AQR: variants seen among roughly 807,000 people sequenced by gnomAD.
The protein encoded by AQR is RNA helicase aquarius.
In AQR, 61 loss-of-function variants were observed where a neutral mutation model predicts 180.5. The ratio of observed to expected loss-of-function variants is 0.34; its 90% CI spans 0.28 to 0.42. AQR has a LOEUF of 0.42. Ranked by LOEUF, AQR falls within the 10% of genes least tolerant of loss-of-function variation. AQR has a pLI of 1.00. For synonymous variants in AQR, 551 were observed against 588.8 expected, an observed-to-expected ratio of 0.94 and a Z score of 0.93; for missense variants, 1,281 against 1,798.3, an observed-to-expected ratio of 0.71 and a Z score of 5.20.
chr15:34,858,320 CAAAAAAA>C (rs57627687), intron 34 of AQR, among the ~76,000 whole-genome samples: 1,798 of 86,142 alleles, frequency 0.021, 22 homozygotes, highest in East Asian at 0.087. Context: ...ACGACAGCAG[CAAAAAAA>C]AAAAAAAAAA....
chr15:34,958,094 G>C (rs1894352494), intron 3 of AQR, among the ~76,000 whole-genome samples: 1 of 152,168 alleles, frequency 6.6e-6, no homozygotes, highest in Non-Finnish European at 1.5e-5. Context: ...TGTAATCCCA[G>C]CTACTAGGGA....
rs902846843 is a variant in AQR, at chr15:34,933,692, AAAC to A, written c.783+876_783+878del. Among the ~76,000 whole-genome samples the A allele has an allele frequency of 8.5e-5, 13 of 152,328 alleles. 3 individuals are homozygous for A. Among genetic ancestry groups the A allele is most frequent in the Admixed American group, 2.6e-4 (4 of 15,294 alleles). On this transcript the variant is annotated intron_variant, in intron 10 of 34. Coordinates refer to ENST00000156471, the MANE Select transcript of AQR (RefSeq NM_014691.3). ...CTATACTATGTAATGTTTTTTCTAC[AAAC>A]AACAGCCCATGATAGATGAGTCAGT...
Position 34,856,960 on chromosome 15 carries a change from A to T in AQR, c.4290T>A (p.Thr1430=). ...SPTDTSCRQE[T]PAFQTDTTPS... ...GGGTGGTGTCAGTTTGAAAGGCTGGAGTTTCTTGACGGCAGCTGGTGTCTG... is the reference window on the plus strand; with the variant it reads ...GGGTGGTGTCAGTTTGAAAGGCTGGTGTTTCTTGACGGCAGCTGGTGTCTG... Residue 1430 remains threonine (T), a synonymous_variant, in exon 35 of 35, where the codon ACT becomes ACA. Transcript: ENST00000156471. The T allele has an allele frequency of 6.2e-6, 10 of 1,614,046 alleles. No individual in the cohort carries two copies. Among genetic ancestry groups the T allele is most frequent in the Non-Finnish European group, 8.5e-6 (10 of 1,179,994 alleles).
intron 16 of AQR, among the ~76,000 whole-genome samples, chr15:34,914,278 T>C (rs1339982844): frequency 6.6e-6 from 1 of 152,216 alleles, no homozygotes; most frequent in East Asian, 1.9e-4. Flanking sequence ...TAAAGAGCAT[T>C]TGCCTCAAGT....
intron 17 of AQR, among the ~76,000 whole-genome samples, chr15:34,908,375 G>A (rs1041545500): frequency 2.0e-5 from 3 of 152,032 alleles, no homozygotes; most frequent in Non-Finnish European, 2.9e-5. Flanking sequence ...GGTGGAGGTT[G>A]CAGTGAGCCG....
intron 3 of AQR, among the ~76,000 whole-genome samples, chr15:34,960,572 A>C (rs368118923): frequency 5.4e-4 from 82 of 152,202 alleles, no homozygotes; most frequent in African/African-American, 1.9e-3. Context: ...ATGGGATTTG[A>C]TACCTCTAAT....
intron 4 of AQR, among the ~76,000 whole-genome samples, chr15:34,949,069 A>G (rs545333734): frequency 1.3e-5 from 2 of 151,820 alleles, no homozygotes; most frequent in South Asian, 4.2e-4. Flanking sequence ...CTTGGCTCAC[A>G]GCAACCTCCA....
intron 13 of AQR, among the ~76,000 whole-genome samples, chr15:34,926,179 T>TAAATAAAA (rs892924013): frequency 6.6e-6 from 1 of 151,812 alleles, no homozygotes; most frequent in African/African-American, 2.4e-5. Flanking sequence ...AAAATAAAAA[T>TAAATAAAA]AAATAAAAAA....
intron 9 of AQR, among the ~76,000 whole-genome samples, chr15:34,937,897 A>C (rs866981280): frequency 1.3e-5 from 2 of 150,534 alleles, no homozygotes; most frequent in South Asian, 2.1e-4. Flanking sequence ...AAAAAATAAT[A>C]ATAATTAAAC....
chr15:34,963,750 G>A (rs879602564), intron 2 of AQR, among the ~76,000 whole-genome samples: 19 of 150,102 alleles, frequency 1.3e-4, no homozygotes, highest in South Asian at 6.3e-4. Context: ...TGCACGCTCC[G>A]CCTCCCAGGT....
intron 22 of AQR, among the ~76,000 whole-genome samples, chr15:34,894,056 A>T (rs1259049250): frequency 6.6e-6 from 1 of 152,180 alleles, no homozygotes; most frequent in Non-Finnish European, 1.5e-5. Context: ...GACAGAAAGG[A>T]AAAAGAGTAT....
At chr15:34,904,293 T>G in intron 19 of AQR, 43 bp downstream of exon 19, 1 of 1,395,006 alleles carries the variant, frequency 7.2e-7, no homozygotes, top group South Asian at 1.5e-5. Flanking sequence ...AAAAGTTACT[T>G]AAATTATGAC....
chr15:34,967,219 C>A (rs2050314295), intron 1 of AQR, among the ~76,000 whole-genome samples: 1 of 152,110 alleles, frequency 6.6e-6, no homozygotes. Context: ...TACATTCACA[C>A]CTTAAGGTGT....
rs1892644932 is a variant in AQR, at chr15:34,859,883, T to A, written c.4143+159A>T. 2.0e-5 allele frequency among the ~76,000 whole-genome samples: 3 copies of A among 152,208 alleles called. No individual in the cohort carries two copies. In the South Asian group the frequency reaches 6.2e-4, roughly 31 times the overall value. On this transcript the variant is annotated intron_variant, in intron 34 of 34. Coordinates refer to ENST00000156471, the MANE Select transcript of AQR (RefSeq NM_014691.3). ...TATTGTATGTGGAATTCTAACTATA[T>A]AAAGAAGTTTTAAAAATACGAATGT...
At chr15:34,961,600 G>A (rs1171577141) in intron 2 of AQR, among the ~76,000 whole-genome samples, 5 of 122,044 alleles carry the variant, frequency 4.1e-5, no homozygotes, top group South Asian at 2.7e-4. Flanking sequence ...GTGATAGAGC[G>A]AGACTCCATC....
In AQR at chr15:34,965,535, G is replaced by A. The variant is rs577416851; in HGVS notation, c.76-1245C>T. Among the ~76,000 whole-genome samples, 3 of 152,294 alleles carry A rather than the reference G, an allele frequency of 2.0e-5. No individual in the cohort carries two copies. In the South Asian group the frequency reaches 6.2e-4, roughly 32 times the overall value. On this transcript the variant is annotated intron_variant, in intron 1 of 34. Transcript: ENST00000156471. ...AAAACACAAAAATTAGCCAGGCTTG[G>A]TGGTGTGCACCTATAATTCCAGCTA...
At chr15:34,905,209 G>A (rs879812132) in intron 18 of AQR, among the ~76,000 whole-genome samples, 2 of 151,706 alleles carry the variant, frequency 1.3e-5, no homozygotes, top group African/African-American at 2.4e-5. Flanking sequence ...TCTCATTCTA[G>A]AGATAAATAA....
chr15:34,961,934 C>T (rs1305507480), intron 2 of AQR, among the ~76,000 whole-genome samples: 2 of 151,644 alleles, frequency 1.3e-5, no homozygotes, highest in South Asian at 2.1e-4. Flanking sequence ...AGTAGTAGTG[C>T]TAGCATTAAT....
chr15:34,969,590 C>T lies in AQR; in HGVS notation c.24G>A (p.Lys8=), dbSNP rs16960220. 3,036 of 1,613,700 alleles carry T rather than the reference C, an allele frequency of 1.9e-3. 57 individuals carry two copies. The African/African-American group carries it at 0.036, about 19-fold the overall frequency. ...GGGACACCGTAGGGGCCACGATCTT[C>T]TTGGGCTGCGCAGGGGCTGCCATGG... MAAPAQP[K]KIVAPTVSQI... is the part of the protein sequence containing the mutation. Residue 8 remains lysine (K), a synonymous_variant, in exon 1 of 35, where the codon AAG becomes AAA. Coordinates refer to ENST00000156471, the MANE Select transcript of AQR (RefSeq NM_014691.3).
Sources: allele counts gnomAD v4.1 joint callset (sites outside exome capture counted in the v4.1 genomes callset), GRCh38; gene constraint gnomAD v4.1.1; transcripts MANE v1.5; gene names NCBI Gene and HGNC (gene_info 2026-07-23, HGNC 2026-07-21).